Variants in MAGI2 observed in about 807,000 individuals in gnomAD.
MAGI2 encodes membrane-associated guanylate kinase, WW and PDZ domain-containing protein 2.
In MAGI2, 35 loss-of-function variants were observed where a neutral mutation model predicts 133.3. That is an observed-to-expected ratio of 0.26 (90% CI 0.20 to 0.35). MAGI2 has a LOEUF of 0.35. Among genes scored for constraint, MAGI2 ranks in the 10% least tolerant of loss-of-function variants. MAGI2 has a pLI of 1.00. For missense variants in MAGI2, 1,636 were observed against 1,863.4 expected (o/e 0.88, Z 2.25); for synonymous variants, 729 against 710.6 (o/e 1.03, Z -0.41).
chr7:78,756,106 C>A, intron 2 of MAGI2, among the ~76,000 whole-genome samples: 1 of 151,372 alleles, frequency 6.6e-6, no homozygotes, highest in African/African-American at 2.4e-5. Flanking sequence ...ATTCACATTT[C>A]TCAAACAAGA....
At position 78,889,849 on chromosome 7, in the gene MAGI2, T is replaced by C. The variant is rs535646741; in HGVS notation, c.418+117241A>G. On this transcript the variant is annotated intron_variant, in intron 2 of 21. Transcript: ENST00000354212. ...CGAGCAAAATAACCAGCTAACATCA[T>C]AATGACGAGATCAAATTCACACATA... Among the ~76,000 whole-genome samples the C allele has an allele frequency of 6.8e-4, 103 of 152,264 alleles. 1 individual carries two copies. Among genetic ancestry groups the C allele is most frequent in the African/African-American group, 2.3e-3 (94 of 41,538 alleles).
chr7:78,443,543 C>T (rs190754009), intron 6 of MAGI2, among the ~76,000 whole-genome samples: 1 of 152,236 alleles, frequency 6.6e-6, no homozygotes, highest in Admixed American at 6.5e-5. Context: ...AAATCTAATT[C>T]ACTCATTCCA....
At chr7:79,327,453 T>C (rs1839777666) in intron 1 of MAGI2, among the ~76,000 whole-genome samples, 1 of 152,122 alleles carries the variant, frequency 6.6e-6, no homozygotes, top group South Asian at 2.1e-4. Flanking sequence ...TTCTTTCTCT[T>C]CCCTTTACCT....
intron 3 of MAGI2, chr7:78,567,897 C>CA (rs1173546845): frequency 6.6e-6 from 1 of 152,184 alleles, no homozygotes; most frequent in Non-Finnish European, 1.5e-5. Flanking sequence ...TTTCAAAACT[C>CA]ACTCCAATCA....
intron 1 of MAGI2, among the ~76,000 whole-genome samples, chr7:79,374,781 T>TGACAACTCAGCATA (rs1199220286): frequency 6.6e-6 from 1 of 151,956 alleles, no homozygotes; most frequent in African/African-American, 2.4e-5. Context: ...GTCTATGCTG[T>TGACAACTCAGCATA]GACAACTCAG....
At chr7:78,577,122 T>A (rs78360769) in intron 3 of MAGI2, among the ~76,000 whole-genome samples, 2,413 of 152,314 alleles carry the variant, frequency 0.016, 69 homozygotes, top group African/African-American at 0.055. Context: ...AAAAAGGATA[T>A]TTTTTGTGTA....
At chr7:78,378,797 T>C (rs368820805) in intron 6 of MAGI2, among the ~76,000 whole-genome samples, 6 of 152,144 alleles carry the variant, frequency 3.9e-5, no homozygotes, top group African/African-American at 1.4e-4. Flanking sequence ...CATTTAATTG[T>C]AGATCTAAGC....
intron 16 of MAGI2, among the ~76,000 whole-genome samples, chr7:78,147,336 C>T (rs558988125): frequency 1.3e-5 from 2 of 152,288 alleles, no homozygotes; most frequent in East Asian, 3.9e-4. Context: ...ACCATCACCA[C>T]ATGTGGTCTC....
intron 20 of MAGI2, among the ~76,000 whole-genome samples, chr7:78,119,092 A>C (rs1027095496): frequency 1.3e-5 from 2 of 152,234 alleles, no homozygotes; most frequent in Non-Finnish European, 2.9e-5. Flanking sequence ...CAACTATATG[A>C]CATGGTGGAA....
chr7:79,011,924 C>CTTTCTTTCTTTCTTTCTTTCTTT (rs1808170160), intron 1 of MAGI2, among the ~76,000 whole-genome samples: 19 of 121,282 alleles, frequency 1.6e-4, no homozygotes, highest in African/African-American at 6.3e-4. Context: ...TTCCTTCCTT[C>CTTTCTTTCTTTCTTTCTTTCTTT]CTTTCTTTCT....
intron 21 of MAGI2, among the ~76,000 whole-genome samples, chr7:78,058,415 C>A (rs1812872356): frequency 6.6e-6 from 1 of 152,020 alleles, no homozygotes; most frequent in African/African-American, 2.4e-5. Flanking sequence ...GCTGAAGCCA[C>A]AACTATGATG....
chr7:79,405,573 T>A (rs1284362067), intron 1 of MAGI2, among the ~76,000 whole-genome samples: 1 of 152,136 alleles, frequency 6.6e-6, no homozygotes, highest in African/African-American at 2.4e-5. Flanking sequence ...CATTGCACAT[T>A]TTCCTCCATG....
At chr7:78,569,391 T>C (rs1408691594) in intron 3 of MAGI2, among the ~76,000 whole-genome samples, 4 of 152,218 alleles carry the variant, frequency 2.6e-5, no homozygotes, top group African/African-American at 9.6e-5. Flanking sequence ...CACTTGAATT[T>C]GCTACATGCA....
chr7:78,727,820 T>C (rs1820966548), intron 2 of MAGI2, among the ~76,000 whole-genome samples: 1 of 152,186 alleles, frequency 6.6e-6, no homozygotes, highest in Non-Finnish European at 1.5e-5. Context: ...CACTTACTTA[T>C]CAAGAGGCAT....
intron 9 of MAGI2, among the ~76,000 whole-genome samples, chr7:78,316,619 G>C (rs979078436): frequency 1.3e-5 from 2 of 152,046 alleles, no homozygotes; most frequent in African/African-American, 4.8e-5. Flanking sequence ...CTTTCCTTTT[G>C]TTTCAGTAGA....
Position 78,668,571 on chromosome 7 carries a change from T to G in MAGI2, c.419-41332A>C, listed in dbSNP as rs1331488788. Among the ~76,000 whole-genome samples, 7 of 151,828 alleles carry G rather than the reference T, an allele frequency of 4.6e-5. No homozygotes were observed. The South Asian group carries it at 1.3e-3, about 27-fold the overall frequency. ...AATCCATCTTGAATTAATTTTTGTA[T>G]AAGGTGTAAGGAAGGGATCCAGTTT... On this transcript the variant is annotated intron_variant, in intron 2 of 21. Coordinates refer to ENST00000354212, the MANE Select transcript of MAGI2 (RefSeq NM_012301.4).
chr7:78,939,656 T>G (rs1293742629), intron 2 of MAGI2, among the ~76,000 whole-genome samples: 1 of 152,162 alleles, frequency 6.6e-6, no homozygotes, highest in African/African-American at 2.4e-5. Context: ...TGTCACTCTC[T>G]GGGAAAGAAT....
intron 3 of MAGI2, among the ~76,000 whole-genome samples, chr7:78,561,858 G>T (rs904145265): frequency 6.6e-6 from 1 of 152,188 alleles, no homozygotes; most frequent in African/African-American, 2.4e-5. Context: ...AGGGCACGAA[G>T]GTATAAGTGA....
At chr7:78,912,769 TATATATATCATTC>T (rs1798502612) in intron 2 of MAGI2, among the ~76,000 whole-genome samples, 1 of 147,284 alleles carries the variant, frequency 6.8e-6, no homozygotes, top group African/African-American at 2.5e-5. Flanking sequence ...ATATCATTCA[TATATATATCATTC>T]ATATATATAT....
Sources: allele counts gnomAD v4.1 joint callset (sites outside exome capture counted in the v4.1 genomes callset), GRCh38; gene constraint gnomAD v4.1.1; transcripts MANE v1.5; gene names NCBI Gene and HGNC (gene_info 2026-07-23, HGNC 2026-07-21).